ZNF90: variants seen among roughly 807,000 people sequenced by gnomAD.
The protein encoded by ZNF90 is zinc finger protein HTF9.
Under a neutral mutation model 12.0 loss-of-function variants are expected in ZNF90, and 11 were observed. The observed-to-expected ratio is 0.92, with a 90% CI of 0.58 to 1.52. ZNF90 has a LOEUF of 1.52. Ranked by LOEUF, ZNF90 falls within the 40% of genes most tolerant of loss-of-function variation. The pLI is 0.00. For synonymous variants in ZNF90, 232 were observed against 240.1 expected, an observed-to-expected ratio of 0.97 and a Z score of 0.31; for missense variants, 765 against 711.5, an observed-to-expected ratio of 1.08 and a Z score of -0.86.
chr19:20,103,197 G>T (rs1467045409), intron 1 of ZNF90, among the ~76,000 whole-genome samples: 4 of 152,214 alleles, frequency 2.6e-5, no homozygotes, highest in African/African-American at 9.6e-5. Context: ...ATCCAACAGA[G>T]AAACAGGTGG....
intron 3 of ZNF90, 23 bp downstream of exon 3, chr19:20,105,339 A>G: frequency 1.3e-6 from 2 of 1,576,448 alleles, no homozygotes; most frequent in Non-Finnish European, 1.7e-6. Context: ...GAAAATGAAT[A>G]CAACAGACAA....
At chr19:20,081,750 T>TTTTC (rs528684761) in intron 1 of ZNF90, among the ~76,000 whole-genome samples, 2 of 151,924 alleles carry the variant, frequency 1.3e-5, no homozygotes, top group East Asian at 1.9e-4. Flanking sequence ...GATTTGTTTT[T>TTTTC]TTTCTTTCTT....
chr19:20,088,539 G>T (rs2088877729), intron 1 of ZNF90, among the ~76,000 whole-genome samples: 1 of 152,156 alleles, frequency 6.6e-6, no homozygotes, highest in African/African-American at 2.4e-5. Flanking sequence ...TTACTTGCTT[G>T]GTTGGCAAGT....
At chr19:20,114,821 C>CAGGGGA (rs2089122751) in intron 3 of ZNF90, among the ~76,000 whole-genome samples, 1 of 150,618 alleles carries the variant, frequency 6.6e-6, no homozygotes, top group African/African-American at 2.5e-5. Context: ...GTCCCCTGTT[C>CAGGGGA]CCTTACTAAT....
chr19:20,119,402 G>T lies in ZNF90; in HGVS notation c.*42G>T. On this transcript the variant is annotated 3_prime_UTR_variant, in exon 4 of 4. Coordinates refer to ENST00000418063, the MANE Select transcript of ZNF90 (RefSeq NM_007138.2). ...TAATAAACATAAGATAATTCATACT[G>T]GAGAGAAACCGTATAAATGTGATGA... 1 of 1,506,398 alleles carries T rather than the reference G, an allele frequency of 6.6e-7. No individual in the cohort carries two copies. The highest frequency in any genetic ancestry group is 1.3e-5 in the South Asian group (1 of 77,864). 93.3% of individuals were successfully genotyped at this position (1,506,398 alleles called of 1,614,324 possible).
intron 1 of ZNF90, among the ~76,000 whole-genome samples, chr19:20,095,455 G>A (rs2088936208): frequency 6.6e-6 from 1 of 152,058 alleles, no homozygotes; most frequent in African/African-American, 2.4e-5. Flanking sequence ...AGGAGGAATG[G>A]AGGGTGGAAG....
At chr19:20,105,984 T>G (rs2089032273) in intron 3 of ZNF90, among the ~76,000 whole-genome samples, 2 of 151,638 alleles carry the variant, frequency 1.3e-5, no homozygotes. Context: ...ATAATATTTA[T>G]TCTTTCAATC....
intron 1 of ZNF90, among the ~76,000 whole-genome samples, chr19:20,092,521 A>G (rs1027825596): frequency 2.0e-5 from 3 of 152,138 alleles, no homozygotes; most frequent in Non-Finnish European, 4.4e-5. Flanking sequence ...TCTTCAAGGA[A>G]TGGAAAGAGG....
chr19:20,079,804 A>C, intron 1 of ZNF90: 1 of 273,556 alleles, frequency 3.7e-6, no homozygotes, highest in Non-Finnish European at 7.5e-6. Flanking sequence ...GCGGTGGCTC[A>C]CGCCTGTAAT....
chr19:20,103,876 T>A (rs1555704105), intron 1 of ZNF90, among the ~76,000 whole-genome samples: 1 of 152,134 alleles, frequency 6.6e-6, no homozygotes, highest in African/African-American at 2.4e-5. Flanking sequence ...ATATTAAAAT[T>A]TGAGAGGTGC....
At chr19:20,094,449 G>T (rs546560760) in intron 1 of ZNF90, among the ~76,000 whole-genome samples, 6 of 152,322 alleles carry the variant, frequency 3.9e-5, no homozygotes, top group African/African-American at 1.4e-4. Flanking sequence ...ACCTGGGCTG[G>T]GTTTTCATCT....
intron 1 of ZNF90, among the ~76,000 whole-genome samples, chr19:20,097,592 T>G (rs971311318): frequency 9.9e-5 from 15 of 152,146 alleles, no homozygotes; most frequent in Non-Finnish European, 1.8e-4. Flanking sequence ...AGATAAGAGA[T>G]TCTCCACTTT....
chr19:20,095,699 T>C (rs558094325), intron 1 of ZNF90, among the ~76,000 whole-genome samples: 20 of 151,694 alleles, frequency 1.3e-4, no homozygotes, highest in African/African-American at 4.1e-4. Flanking sequence ...AGATAAGAGA[T>C]TGGGGCACAG....
chr19:20,081,970 T>C (rs963517410), intron 1 of ZNF90, among the ~76,000 whole-genome samples: 1 of 152,000 alleles, frequency 6.6e-6, no homozygotes, highest in Non-Finnish European at 1.5e-5. Context: ...TTCACCATGT[T>C]AGCCAGGAGG....
chr19:20,085,321 C>G (rs1034803604), intron 1 of ZNF90, among the ~76,000 whole-genome samples: 14 of 150,124 alleles, frequency 9.3e-5, no homozygotes, highest in South Asian at 2.1e-4. Flanking sequence ...GTGCAGTGGC[C>G]CGATCTCGGC....
intron 1 of ZNF90, among the ~76,000 whole-genome samples, chr19:20,102,152 C>G (rs1253445926): frequency 6.6e-6 from 1 of 152,076 alleles, no homozygotes; most frequent in Non-Finnish European, 1.5e-5. Flanking sequence ...TTCAAAGAAC[C>G]AAAATGTCAG....
intron 3 of ZNF90, among the ~76,000 whole-genome samples, chr19:20,113,620 G>A (rs1427468382): frequency 6.6e-6 from 1 of 152,034 alleles, no homozygotes; most frequent in African/African-American, 2.4e-5. Context: ...ATGAGGTCAG[G>A]AAATTGAGAC....
intron 3 of ZNF90, among the ~76,000 whole-genome samples, chr19:20,106,521 T>C (rs1334158226): frequency 2.0e-5 from 3 of 152,132 alleles, no homozygotes; most frequent in African/African-American, 7.2e-5. Context: ...GTGGCGCGAT[T>C]TCGCTCATTG....
intron 3 of ZNF90, among the ~76,000 whole-genome samples, chr19:20,116,871 A>G (rs1363024581): frequency 6.6e-6 from 1 of 151,916 alleles, no homozygotes; most frequent in Non-Finnish European, 1.5e-5. Context: ...TGTCATTCCA[A>G]TGTATATCAC....
Sources: allele counts gnomAD v4.1 joint callset (sites outside exome capture counted in the v4.1 genomes callset), GRCh38; gene constraint gnomAD v4.1.1; transcripts MANE v1.5; gene names NCBI Gene and HGNC (gene_info 2026-07-23, HGNC 2026-07-21).